LRRC4C: variants seen among roughly 807,000 people sequenced by gnomAD.
LRRC4C encodes leucine-rich repeat-containing protein 4C.
In LRRC4C, 5 loss-of-function variants were observed where a neutral mutation model predicts 33.6. That is an observed-to-expected ratio of 0.15 (90% CI 0.08 to 0.31). The LOEUF (loss-of-function observed/expected upper bound fraction) is 0.31, where lower values mean the gene tolerates loss of function less well. Ranked by LOEUF, LRRC4C falls within the 10% of genes least tolerant of loss-of-function variation. The probability of loss-of-function intolerance (pLI) is 1.00; values close to 1 mark genes in which losing one functional copy is unlikely to be tolerated. For synonymous variants in LRRC4C, 329 were observed against 302.0 expected (o/e 1.09, Z -0.93); for missense variants, 560 against 796.7 (o/e 0.70, Z 3.58).
Position 41,248,330 on chromosome 11 carries a change from C to A in LRRC4C, c.-496+211101G>T, listed in dbSNP as rs370756395. Among the ~76,000 whole-genome samples, 32 of 152,218 alleles carry A rather than the reference C, an allele frequency of 2.1e-4. 1 individual carries two copies. In the South Asian group the frequency reaches 6.2e-3, roughly 30 times the overall value. On this transcript the variant is annotated intron_variant, in intron 1 of 6. Coordinates refer to ENST00000528697, the MANE Select transcript of LRRC4C (RefSeq NM_001258419.2). ...TTCTCCTGGACCCATTCCTAGCAGG[C>A]CTTCACCCTCTGTTTACATACAAAG...
chr11:40,467,117 C>A (rs1295710747), intron 3 of LRRC4C, among the ~76,000 whole-genome samples: 1 of 151,978 alleles, frequency 6.6e-6, no homozygotes, highest in Non-Finnish European at 1.5e-5. Context: ...ACCTCTCAAC[C>A]TTTACTTTGT....
At chr11:40,439,088 C>T (rs975406169) in intron 3 of LRRC4C, among the ~76,000 whole-genome samples, 26 of 144,506 alleles carry the variant, frequency 1.8e-4, no homozygotes, top group Admixed American at 1.7e-3. Flanking sequence ...CTGCCACCAC[C>T]CCCAGCTAAT....
chr11:40,159,060 C>G (rs1167624324), intron 5 of LRRC4C, among the ~76,000 whole-genome samples: 1 of 152,150 alleles, frequency 6.6e-6, no homozygotes, highest in Non-Finnish European at 1.5e-5. Flanking sequence ...TTATACTACA[C>G]TGCGAAAAAG....
At chr11:40,286,712 G>T (rs79515338) in intron 4 of LRRC4C, among the ~76,000 whole-genome samples, 15 of 152,108 alleles carry the variant, frequency 9.9e-5, no homozygotes, top group Admixed American at 5.2e-4. Context: ...ACATTTTATT[G>T]CTCCCAAAAT....
At position 40,945,338 on chromosome 11, in the gene LRRC4C, T is replaced by C. The variant is rs952061268; in HGVS notation, c.-495-11615A>G. On this transcript the variant is annotated intron_variant, in intron 1 of 6. Coordinates refer to ENST00000528697, the MANE Select transcript of LRRC4C (RefSeq NM_001258419.2). ...CCCGGGCCAACTTTGCAGTTTTTCT[T>C]CTCTCCTGGCCAAACCCTAACAAAT... Among the ~76,000 whole-genome samples the C allele has an allele frequency of 5.3e-5, 8 of 152,194 alleles. 1 individual carries two copies. In the East Asian group the frequency reaches 9.7e-4, roughly 18 times the overall value.
At chr11:40,610,706 C>T (rs539772744) in intron 3 of LRRC4C, among the ~76,000 whole-genome samples, 129 of 151,824 alleles carry the variant, frequency 8.5e-4, no homozygotes, top group African/African-American at 2.9e-3. Flanking sequence ...ATATAAAAAT[C>T]GGTTGCTTTT....
At chr11:41,366,387 T>A (rs192057613) in intron 1 of LRRC4C, among the ~76,000 whole-genome samples, 1 of 152,246 alleles carries the variant, frequency 6.6e-6, no homozygotes, top group East Asian at 1.9e-4. Context: ...TAAAGTGGGA[T>A]AATAATTTAA....
intron 2 of LRRC4C, among the ~76,000 whole-genome samples, chr11:40,878,212 G>T (rs1371817981): frequency 6.6e-6 from 1 of 152,082 alleles, no homozygotes; most frequent in South Asian, 2.1e-4. Context: ...CTTAAAGCCC[G>T]CCACCAGATG....
chr11:40,856,479 C>T (rs1169317783), intron 2 of LRRC4C, among the ~76,000 whole-genome samples: 1 of 152,176 alleles, frequency 6.6e-6, no homozygotes, highest in Non-Finnish European at 1.5e-5. Flanking sequence ...CGCATTTTAT[C>T]TTGTGCTTCT....
intron 4 of LRRC4C, among the ~76,000 whole-genome samples, chr11:40,242,756 T>TA (rs1397996470): frequency 2.0e-4 from 29 of 145,914 alleles, no homozygotes; most frequent in Non-Finnish European, 3.2e-4. Flanking sequence ...ACACAGAGGA[T>TA]ACAAATTCTA....
intron 1 of LRRC4C, among the ~76,000 whole-genome samples, chr11:41,033,958 A>G (rs1856879546): frequency 6.6e-6 from 1 of 151,974 alleles, no homozygotes; most frequent in South Asian, 2.1e-4. Context: ...CAAAAAATAA[A>G]AGAAAATTAC....
At chr11:40,750,035 A>T (rs80196280) in intron 2 of LRRC4C, among the ~76,000 whole-genome samples, 17,918 of 152,158 alleles carry the variant, frequency 0.12, 1,446 homozygotes, top group East Asian at 0.41. Context: ...AGCCTGGCCA[A>T]CATGGTGAAA....
chr11:40,634,937 G>T (rs760474278), intron 3 of LRRC4C, among the ~76,000 whole-genome samples: 5 of 151,686 alleles, frequency 3.3e-5, no homozygotes, highest in Non-Finnish European at 5.9e-5. Flanking sequence ...TTACATATTT[G>T]GCTAGCAAAA....
intron 2 of LRRC4C, among the ~76,000 whole-genome samples, chr11:40,881,348 T>C (rs1955166325): frequency 6.6e-6 from 1 of 152,174 alleles, no homozygotes; most frequent in Non-Finnish European, 1.5e-5. Flanking sequence ...CTAGGACACA[T>C]GTCTTACTCA....
At position 41,370,574 on chromosome 11, in the gene LRRC4C, C is replaced by T. The variant is rs547319544; in HGVS notation, c.-496+88857G>A. Among the ~76,000 whole-genome samples, 10 of 152,216 alleles carry T rather than the reference C, an allele frequency of 6.6e-5. No homozygotes were observed. In the South Asian group the frequency reaches 8.3e-4, roughly 13 times the overall value. ...TCTCTTGCCGCCACCATGTAAGAAG[C>T]GCCTTTCTCCTCCTGCCATGATTCT... On this transcript the variant is annotated intron_variant, in intron 1 of 6. Coordinates refer to ENST00000528697, the MANE Select transcript of LRRC4C (RefSeq NM_001258419.2).
chr11:41,028,701 T>C (rs752768314), intron 1 of LRRC4C, among the ~76,000 whole-genome samples: 5 of 151,620 alleles, frequency 3.3e-5, no homozygotes, highest in African/African-American at 4.8e-5. Flanking sequence ...TTCAACATAC[T>C]AGTTGCTAAT....
At chr11:40,274,784 G>C (rs10768593) in intron 4 of LRRC4C, among the ~76,000 whole-genome samples, 134,824 of 152,076 alleles carry the variant, frequency 0.89, 60,093 homozygotes, top group South Asian at 0.97. Flanking sequence ...TACATAGAGT[G>C]CTACAACCAG....
intron 3 of LRRC4C, among the ~76,000 whole-genome samples, chr11:40,484,978 T>G (rs1427464815): frequency 6.6e-6 from 1 of 152,044 alleles, no homozygotes. Context: ...CTAACACTAT[T>G]TGTTGGAAGA....
At chr11:40,856,096 C>T (rs1418341012) in intron 2 of LRRC4C, among the ~76,000 whole-genome samples, 1 of 151,926 alleles carries the variant, frequency 6.6e-6, no homozygotes, top group Non-Finnish European at 1.5e-5. Context: ...GAACTGAAAC[C>T]TCTATTCTAA....
Sources: gnomAD v4.1 joint callset for allele counts (sites outside exome capture counted in the v4.1 genomes callset) on GRCh38, gnomAD v4.1.1 for gene constraint, MANE v1.5 for transcripts, NCBI Gene and HGNC (gene_info 2026-07-23, HGNC 2026-07-21) for gene names.